Variants in RABGAP1L observed in about 807,000 individuals in gnomAD.
RABGAP1L encodes the protein rab GTPase-activating protein 1-like.
In RABGAP1L, 63 loss-of-function variants were observed where a neutral mutation model predicts 137.7. The observed-to-expected ratio is 0.46, with a 90% confidence interval of 0.37 to 0.56. The LOEUF (loss-of-function observed/expected upper bound fraction) is 0.56. RABGAP1L is among the 20% of genes least tolerant of loss of function. RABGAP1L has a pLI of 0.00. For missense variants in RABGAP1L, 1,095 were observed against 1,244.0 expected (o/e 0.88, Z 1.80); for synonymous variants, 431 against 433.7 (o/e 0.99, Z 0.08).
chr1:174,188,660 C>T (rs544279625), intron 1 of RABGAP1L, among the ~76,000 whole-genome samples: 35 of 152,058 alleles, frequency 2.3e-4, no homozygotes, highest in Non-Finnish European at 8.8e-5. Context: ...GGTACTTTGC[C>T]GTTAGAACTC....
chr1:174,611,385 TG>T (rs1442929192), intron 13 of RABGAP1L, among the ~76,000 whole-genome samples: 5 of 152,164 alleles, frequency 3.3e-5, no homozygotes, highest in African/African-American at 1.2e-4. Context: ...GTGTTACTTC[TG>T]AGGGCTCTGT....
intron 17 of RABGAP1L, among the ~76,000 whole-genome samples, chr1:174,746,671 A>G (rs1419053891): frequency 6.6e-6 from 1 of 152,216 alleles, no homozygotes; most frequent in Non-Finnish European, 1.5e-5. Flanking sequence ...TATTCATTGA[A>G]TCATCTTCTC....
Position 174,448,426 on chromosome 1 carries a change from C to T in RABGAP1L, c.1710+54281C>T, listed in dbSNP as rs533324072. On this transcript the variant is annotated intron_variant, in intron 13 of 25. Transcript: ENST00000681986. This position sits in a 1 kb window ranked among gnomAD's most constrained non-coding sequence, Gnocchi z 4.2. ...CTACTCTGTCACTTCTCCACTACTC[C>T]ACAGGTGTCCACGAGTCATTGACTT... 1 of 1,612,998 alleles carries T rather than the reference C, an allele frequency of 6.2e-7. No homozygotes were observed. The highest frequency in any genetic ancestry group is 1.1e-5 in the South Asian group (1 of 91,050).
At chr1:174,231,699 A>G (rs1430729890) in intron 4 of RABGAP1L, among the ~76,000 whole-genome samples, 1 of 152,084 alleles carries the variant, frequency 6.6e-6, no homozygotes, top group African/African-American at 2.4e-5. Flanking sequence ...CAGGAAACTT[A>G]AAATCATGGC....
chr1:174,845,421 A>T (rs1305930553), intron 19 of RABGAP1L, among the ~76,000 whole-genome samples: 2 of 60,310 alleles, frequency 3.3e-5, no homozygotes, highest in Non-Finnish European at 7.4e-5. Context: ...ATTTATTGAG[A>T]GTTTTTAGCA....
At chr1:174,633,520 T>C (rs1307892003) in intron 13 of RABGAP1L, among the ~76,000 whole-genome samples, 62 of 150,010 alleles carry the variant, frequency 4.1e-4, no homozygotes, top group African/African-American at 1.5e-3. Flanking sequence ...CTTCACAGAA[T>C]TGGAAAAAAC....
At chr1:174,529,701 G>T (rs1217338513) in intron 13 of RABGAP1L, among the ~76,000 whole-genome samples, 1 of 152,160 alleles carries the variant, frequency 6.6e-6, no homozygotes, top group Non-Finnish European at 1.5e-5. Context: ...AGCTAGTGTG[G>T]CATGGGCAAT....
At chr1:174,817,105 T>C (rs1277564413) in intron 19 of RABGAP1L, among the ~76,000 whole-genome samples, 1 of 152,188 alleles carries the variant, frequency 6.6e-6, no homozygotes, top group Admixed American at 6.5e-5. Context: ...ATATTTACGA[T>C]GGACTTCAGT....
At chr1:174,875,551 C>T (rs763563625) in intron 19 of RABGAP1L, 1 of 985,378 alleles carries the variant, frequency 1.0e-6, no homozygotes, top group Non-Finnish European at 1.2e-6. Flanking sequence ...TGTGTGGAAG[C>T]TCTGAGTCAC....
At chr1:174,775,769 T>A (rs1686482343) in intron 18 of RABGAP1L, among the ~76,000 whole-genome samples, 1 of 152,110 alleles carries the variant, frequency 6.6e-6, no homozygotes, top group African/African-American at 2.4e-5. Context: ...CTGCTCAAAG[T>A]CAAGAATACC....
intron 1 of RABGAP1L, among the ~76,000 whole-genome samples, chr1:174,192,066 T>C (rs1020800695): frequency 4.6e-5 from 7 of 152,190 alleles, no homozygotes; most frequent in African/African-American, 1.4e-4. Flanking sequence ...AAAAATTTCA[T>C]AGATGGAAGT....
chr1:174,552,385 C>T (rs753034541), intron 13 of RABGAP1L, among the ~76,000 whole-genome samples: 2 of 152,112 alleles, frequency 1.3e-5, no homozygotes, highest in Admixed American at 6.5e-5. Flanking sequence ...CTTGTGCTCT[C>T]ATCATTTAGC....
intron 13 of RABGAP1L, among the ~76,000 whole-genome samples, chr1:174,579,325 G>A (rs1668579387): frequency 6.6e-6 from 1 of 152,126 alleles, no homozygotes; most frequent in South Asian, 2.1e-4. Context: ...GGTTAGGGCA[G>A]TTCCTGTTGG....
intron 19 of RABGAP1L, among the ~76,000 whole-genome samples, chr1:174,936,774 G>C (rs12094876): frequency 0.37 from 55,937 of 151,884 alleles, 13,501 homozygotes; most frequent in African/African-American, 0.69. Flanking sequence ...TTAGAAAGTA[G>C]CAGAGCTTAT....
At chr1:174,582,009 G>T (rs1445911902) in intron 13 of RABGAP1L, among the ~76,000 whole-genome samples, 1 of 152,196 alleles carries the variant, frequency 6.6e-6, no homozygotes, top group Non-Finnish European at 1.5e-5. Context: ...ATGAGTTATT[G>T]TTTTAAGTAG....
At chr1:174,549,418 T>G (rs1360793181) in intron 13 of RABGAP1L, among the ~76,000 whole-genome samples, 1 of 152,078 alleles carries the variant, frequency 6.6e-6, no homozygotes, top group African/African-American at 2.4e-5. Flanking sequence ...AAGAAAGCAT[T>G]AAAGGGGGAG....
chr1:174,494,334 A>G (rs1477479282), intron 13 of RABGAP1L, among the ~76,000 whole-genome samples: 1 of 152,198 alleles, frequency 6.6e-6, no homozygotes, highest in African/African-American at 2.4e-5. Context: ...GCTGCTATTT[A>G]AAGCACCACA....
chr1:174,989,110 T>C (rs1671856496), intron 25 of RABGAP1L, among the ~76,000 whole-genome samples: 1 of 152,204 alleles, frequency 6.6e-6, no homozygotes, highest in Non-Finnish European at 1.5e-5. Context: ...CTGAGATTTT[T>C]TGCTTACATC....
intron 13 of RABGAP1L, among the ~76,000 whole-genome samples, chr1:174,398,338 G>A (rs1192364171): frequency 6.6e-6 from 1 of 152,104 alleles, no homozygotes; most frequent in Non-Finnish European, 1.5e-5. Flanking sequence ...TTGTATTGGG[G>A]CTGTTGCGTG....
Sources: allele counts gnomAD v4.1 joint callset (sites outside exome capture counted in the v4.1 genomes callset), GRCh38; gene constraint gnomAD v4.1.1; non-coding constraint Gnocchi (gnomAD v3.1); transcripts MANE v1.5; gene names NCBI Gene and HGNC (gene_info 2026-07-23, HGNC 2026-07-21).